The following PPARGC1A variants were observed in gnomAD, a reference collection of about 807,000 sequenced individuals.
The protein encoded by PPARGC1A is PPARG coactivator 1 alpha, also known as peroxisome proliferator-activated receptor gamma coactivator 1-alpha.
A neutral mutation model predicts 88.7 loss-of-function variants in PPARGC1A; 25 were observed. The observed-to-expected ratio is 0.28, with a 90% CI of 0.21 to 0.39. The LOEUF is 0.39. Ranked by LOEUF, PPARGC1A falls within the 10% of genes least tolerant of loss-of-function variation. The probability of loss-of-function intolerance (pLI) is 1.00; values close to 1 mark genes in which losing one functional copy is unlikely to be tolerated. For missense variants in PPARGC1A, 880 were observed against 968.7 expected, an observed-to-expected ratio of 0.91 and a Z score of 1.22; for synonymous variants, 363 against 355.6, an observed-to-expected ratio of 1.02 and a Z score of -0.24.
At chr4:24,337,444 T>C in the PPARGC1A span, among the ~76,000 whole-genome samples, 19 of 152,160 alleles carry the variant, frequency 1.2e-4, no homozygotes, top group African/African-American at 4.6e-4. Context: ...AATGGTGTGG[T>C]GGGACAGACA....
chr4:24,343,622 G>C, the PPARGC1A span, among the ~76,000 whole-genome samples: 3 of 152,174 alleles, frequency 2.0e-5, no homozygotes, highest in East Asian at 3.8e-4. Context: ...AGCAGGAATG[G>C]ACTATGGCAG....
chr4:23,837,389 G>A (rs1367447401), intron 2 of PPARGC1A, among the ~76,000 whole-genome samples: 38 of 144,168 alleles, frequency 2.6e-4, no homozygotes, highest in South Asian at 2.2e-4. Context: ...ATGATTAATA[G>A]AAAAAAAAAA....
At chr4:24,083,759 A>G in the PPARGC1A span, among the ~76,000 whole-genome samples, 1 of 152,198 alleles carries the variant, frequency 6.6e-6, no homozygotes, top group Non-Finnish European at 1.5e-5. Flanking sequence ...CTGCTACTAT[A>G]GCACTAAATG....
chr4:24,225,460 T>G, the PPARGC1A span, among the ~76,000 whole-genome samples: 1 of 151,202 alleles, frequency 6.6e-6, no homozygotes, highest in Admixed American at 6.6e-5. Flanking sequence ...TCCCAGCTAC[T>G]CGGGAGGCTG....
the PPARGC1A span, among the ~76,000 whole-genome samples, chr4:24,414,006 C>T: frequency 0.013 from 2,052 of 152,280 alleles, 60 homozygotes; most frequent in East Asian, 0.11. Context: ...AAAAGTGAGA[C>T]TCGAACCCAC....
At chr4:23,970,451 C>T in the PPARGC1A span, among the ~76,000 whole-genome samples, 1 of 152,192 alleles carries the variant, frequency 6.6e-6, no homozygotes, top group Admixed American at 6.5e-5. Context: ...AGCCACATGT[C>T]CCAGCCTGGC....
the PPARGC1A span, among the ~76,000 whole-genome samples, chr4:24,106,984 A>G: frequency 1.3e-3 from 191 of 152,232 alleles, no homozygotes; most frequent in Non-Finnish European, 2.5e-3. Context: ...TATTTGGCAA[A>G]AAATAACTGA....
chr4:24,140,260 G>T, the PPARGC1A span, among the ~76,000 whole-genome samples: 19 of 152,054 alleles, frequency 1.2e-4, no homozygotes, highest in Non-Finnish European at 2.4e-4. Flanking sequence ...ATCTTCGAAT[G>T]CAAAAAACAC....
chr4:23,883,069 T>C (rs1293240653), intron 2 of PPARGC1A: 3 of 152,164 alleles, frequency 2.0e-5, no homozygotes, highest in Non-Finnish European at 4.4e-5. Flanking sequence ...TGACTTAGAA[T>C]GGGCCTGTAA....
At chr4:24,335,692 A>T in the PPARGC1A span, among the ~76,000 whole-genome samples, 1 of 152,166 alleles carries the variant, frequency 6.6e-6, no homozygotes, top group Non-Finnish European at 1.5e-5. Flanking sequence ...TTTATTTAGG[A>T]AAACAAAGTG....
the PPARGC1A span, among the ~76,000 whole-genome samples, chr4:24,102,197 G>A: frequency 6.6e-6 from 1 of 152,184 alleles, no homozygotes; most frequent in African/African-American, 2.4e-5. Flanking sequence ...AGAGTATCAT[G>A]GTGGTATTTA....
At chr4:24,070,670 C>T in the PPARGC1A span, among the ~76,000 whole-genome samples, 1 of 152,188 alleles carries the variant, frequency 6.6e-6, no homozygotes, top group Admixed American at 6.5e-5. Flanking sequence ...GCTAGGCCAA[C>T]TGTCAGCAAA....
chr4:23,795,923 A>C lies in PPARGC1A; in HGVS notation c.2296T>G (p.Ser766Ala). Residue 766 changes from serine (S) to alanine (A), a missense_variant and splice_region_variant, in exon 13 of 13, where the codon TCA (serine) becomes GCA (alanine). Ser to Ala is a moderately conservative substitution (Grantham distance 99). Transcript: ENST00000264867. ...GCAGGGTCAAAGTCATCTGAGTTTG[A>C]ATCTGAAAAAAAACACAAGCCAGTT... ...FFKSNYADLD[S>A]NSDDFDPAST... is the part of the protein sequence containing the mutation. 1 of 1,609,436 alleles carries C rather than the reference A, an allele frequency of 6.2e-7. No homozygotes were observed. Among genetic ancestry groups the C allele is most frequent in the Non-Finnish European group, 8.5e-7 (1 of 1,177,324 alleles).
chr4:23,817,370 G>A lies in PPARGC1A; in HGVS notation c.878-2765C>T, dbSNP rs1722172330. Among the ~76,000 whole-genome samples the A allele has an allele frequency of 2.6e-5, 4 of 152,086 alleles. No homozygotes were observed. The South Asian group carries it at 8.3e-4, about 32-fold the overall frequency. ...AGCCTTTTACCTCTGTCACACATTA[G>A]ACAGCCTGTGGCCATTGAACAGACA... On this transcript the variant is annotated intron_variant, in intron 7 of 12. Transcript: ENST00000264867.
At chr4:24,284,540 A>G in the PPARGC1A span, among the ~76,000 whole-genome samples, 533 of 152,320 alleles carry the variant, frequency 3.5e-3, 8 homozygotes, top group African/African-American at 0.012. Context: ...GGGGCAGTAC[A>G]GTGTCAAGTC....
At chr4:24,302,480 G>A in the PPARGC1A span, among the ~76,000 whole-genome samples, 17 of 152,298 alleles carry the variant, frequency 1.1e-4, no homozygotes, top group Admixed American at 5.9e-4. Context: ...GTCTTAAACC[G>A]GGGCACTTTG....
chr4:24,097,827 T>C, the PPARGC1A span, among the ~76,000 whole-genome samples: 3 of 152,158 alleles, frequency 2.0e-5, no homozygotes, highest in Non-Finnish European at 2.9e-5. Flanking sequence ...ATACCTAACC[T>C]GAACTGCAGT....
the PPARGC1A span, among the ~76,000 whole-genome samples, chr4:24,159,442 C>T: frequency 1.3e-5 from 2 of 151,940 alleles, no homozygotes; most frequent in East Asian, 1.9e-4. Flanking sequence ...AACTCCTGAC[C>T]TCGTGATCTG....
the PPARGC1A span, among the ~76,000 whole-genome samples, chr4:24,162,559 G>T: frequency 6.6e-6 from 1 of 151,196 alleles, no homozygotes; most frequent in Non-Finnish European, 1.5e-5. Flanking sequence ...CATATGTTAA[G>T]GGCCTTTCCT....
Sources: gnomAD v4.1 joint callset for allele counts (sites outside exome capture counted in the v4.1 genomes callset) on GRCh38, gnomAD v4.1.1 for gene constraint, MANE v1.5 for transcripts, NCBI Gene and HGNC (gene_info 2026-07-23, HGNC 2026-07-21) for gene names.